Variants in LYPD4 observed in about 807,000 individuals in gnomAD.
The protein encoded by LYPD4 is ly6/PLAUR domain-containing protein 4.
Under a neutral mutation model 18.2 loss-of-function variants are expected in LYPD4, and 20 were observed. The observed-to-expected ratio is 1.10, with a 90% CI of 0.77 to 1.59. The LOEUF (loss-of-function observed/expected upper bound fraction) is 1.59, where lower values mean the gene tolerates loss of function less well. Among genes scored for constraint, LYPD4 ranks in the 40% most tolerant of loss-of-function variants. LYPD4 has a pLI of 0.00. For missense variants in LYPD4, 278 were observed against 300.3 expected (o/e 0.93, Z 0.55); for synonymous variants, 111 against 118.3 (o/e 0.94, Z 0.40).
chr19:41,838,362 A>G (rs2073448278), intron 3 of LYPD4, 101 bp from the exon 4 acceptor site: 1 of 1,049,272 alleles, frequency 9.5e-7, no homozygotes, highest in Non-Finnish European at 1.3e-6. Context: ...GCCTGTCACA[A>G]TCTGTGCCTC....
intron 1 of LYPD4, among the ~76,000 whole-genome samples, chr19:41,839,791 C>T (rs1555832828): frequency 6.6e-6 from 1 of 151,934 alleles, no homozygotes; most frequent in Non-Finnish European, 1.5e-5. Flanking sequence ...TGGCTCACGC[C>T]TGTAATCCCA....
intron 4 of LYPD4, 39 bp from the exon 5 acceptor site, chr19:41,837,384 G>T: frequency 6.2e-7 from 1 of 1,611,046 alleles, no homozygotes; most frequent in East Asian, 2.2e-5. Flanking sequence ...ACACTTTCAA[G>T]ACTCAAGAGC....
chr19:41,842,322 C>T (rs1460912894), intron 1 of LYPD4, among the ~76,000 whole-genome samples: 2 of 152,088 alleles, frequency 1.3e-5, no homozygotes, highest in East Asian at 3.9e-4. Context: ...AGCTCCCATG[C>T]CCAGAGAATG....
downstream of LYPD4, chr19:41,835,683 C>T (rs782472411): frequency 1.7e-4 from 116 of 675,246 alleles, 1 homozygote; most frequent in Non-Finnish European, 5.9e-5. Flanking sequence ...GGCTTCCCAA[C>T]CACCCCTTCC....
chr19:41,837,862 C>CT, intron 4 of LYPD4, 73 bp downstream of exon 4: 1 of 1,431,488 alleles, frequency 7.0e-7, no homozygotes, highest in Non-Finnish European at 9.4e-7. Flanking sequence ...ACCAGCCTCT[C>CT]TGAGATGTGA....
In LYPD4 at chr19:41,838,864, A is replaced by G; in HGVS notation, c.211+17T>C. The G allele has an allele frequency of 6.2e-7, 1 of 1,613,378 alleles. No individual in the cohort carries two copies. Among genetic ancestry groups the G allele is most frequent in the Non-Finnish European group, 8.5e-7 (1 of 1,179,844 alleles). ...AGAGCAAGCAAAACGAAATTGATCA[A>G]ACTTAGACTGCTTCACCTGTCTCAA... On this transcript the variant is annotated intron_variant, in intron 3 of 4. Coordinates refer to ENST00000609812, the MANE Select transcript of LYPD4 (RefSeq NM_173506.7).
chr19:41,841,410 A>G (rs181947847), intron 1 of LYPD4, among the ~76,000 whole-genome samples: 3 of 152,110 alleles, frequency 2.0e-5, no homozygotes, highest in Admixed American at 6.5e-5. Context: ...CCAGCTACTC[A>G]GGAGGCTAAT....
At chr19:41,837,397 T>C (rs2073402112) in intron 4 of LYPD4, 52 bp from the exon 5 acceptor site, 2 of 1,602,662 alleles carry the variant, frequency 1.2e-6, no homozygotes, top group Admixed American at 1.7e-5. Flanking sequence ...TCAAGAGCCC[T>C]GCCTTCAGCC....
chr19:41,838,979 C>G lies in LYPD4; in HGVS notation c.113G>C (p.Arg38Thr), dbSNP rs368266342. The part of the protein sequence containing the change: ...LCYEATASRF[R>T]AVAFHNWKWL... ...CTTCCAGTTATGGAAAGCAACAGCT[C>G]TGAATCTTGAGGCTGTTGCTTCATA... is the stretch of plus-strand genomic sequence containing the variant. Residue 38 changes from arginine (R) to threonine (T), a missense_variant, in exon 3 of 5, where the codon AGA becomes ACA. Transcript: ENST00000609812. 6.2e-7 allele frequency: 1 copy of G among 1,613,944 alleles called. No homozygotes were observed. The highest frequency in any genetic ancestry group is 2.2e-5 in the East Asian group (1 of 44,866).
At chr19:41,837,027 T>C, downstream of LYPD4, 1 of 1,515,468 alleles carries the variant, frequency 6.6e-7, no homozygotes, top group Non-Finnish European at 8.8e-7. Flanking sequence ...TTGGCCTTCC[T>C]CACACCTTCC....
chr19:41,836,227 C>T (rs1367699698), downstream of LYPD4, among the ~76,000 whole-genome samples: 3 of 131,468 alleles, frequency 2.3e-5, no homozygotes, highest in African/African-American at 8.7e-5. Flanking sequence ...ACCAAAACTC[C>T]GGGTGAAAAA....
At chr19:41,837,873 A>C in intron 4 of LYPD4, 62 bp downstream of exon 4, 1 of 1,469,332 alleles carries the variant, frequency 6.8e-7, no homozygotes, top group Middle Eastern at 1.8e-4. Context: ...TGAGATGTGA[A>C]GGTGCTGGAC....
intron 1 of LYPD4, among the ~76,000 whole-genome samples, chr19:41,841,665 C>CAAAA (rs587607752): frequency 1.2e-5 from 1 of 85,550 alleles, no homozygotes; most frequent in Non-Finnish European, 2.3e-5. Flanking sequence ...GACCCTGTCT[C>CAAAA]AAAAAAAAAA....
At chr19:41,842,764 CAAAAAAAAAAAAAAAAAAA>C (rs782233081) in intron 1 of LYPD4, among the ~76,000 whole-genome samples, 1 of 49,766 alleles carries the variant, frequency 2.0e-5, no homozygotes, top group East Asian at 6.6e-4. Flanking sequence ...TCCGTCTAAA[CAAAAAAAAAAAAAAAAAAA>C]AAAAAAAAAA....
intron 3 of LYPD4, 129 bp downstream of exon 3, chr19:41,838,752 T>G: frequency 9.5e-6 from 4 of 423,208 alleles, no homozygotes; most frequent in Non-Finnish European, 1.4e-5. Flanking sequence ...AAAAAAAATA[T>G]ATATACATAT....
At chr19:41,839,184 C>T (rs1555832491) in intron 2 of LYPD4, 35 bp downstream of exon 2, 1 of 1,614,146 alleles carries the variant, frequency 6.2e-7, no homozygotes, top group East Asian at 2.2e-5. Context: ...TCCCACCTTT[C>T]TGGGTCTTAT....
chr19:41,840,760 G>A (rs2073558101), intron 1 of LYPD4, among the ~76,000 whole-genome samples: 1 of 151,796 alleles, frequency 6.6e-6, no homozygotes, highest in Non-Finnish European at 1.5e-5. Flanking sequence ...AACCCGGGAG[G>A]CGGAGCTTGC....
rs976641835 is a variant in LYPD4, at chr19:41,838,383, C to T, written c.212-122G>A. 7 of 808,352 alleles carry T rather than the reference C, an allele frequency of 8.7e-6. No homozygotes were observed. The South Asian group carries it at 1.4e-4, about 16-fold the overall frequency. 50.1% of individuals were successfully genotyped at this position (808,352 alleles called of 1,614,324 possible). ...CACAATCTGTGCCTCCCTCCCCAAC[C>T]CCTGTGTCCACTCAGTGCAGCTGCA... is the stretch of plus-strand genomic sequence containing the variant. On this transcript the variant is annotated intron_variant, in intron 3 of 4. Coordinates refer to ENST00000609812, the MANE Select transcript of LYPD4 (RefSeq NM_173506.7).
At chr19:41,842,783 A>C (rs2073646784) in intron 1 of LYPD4, among the ~76,000 whole-genome samples, 1 of 148,442 alleles carries the variant, frequency 6.7e-6, no homozygotes, top group African/African-American at 2.5e-5. Flanking sequence ...AAAAAAAAAA[A>C]AAAAAAAAAA....
Sources: allele counts gnomAD v4.1 joint callset (sites outside exome capture counted in the v4.1 genomes callset), GRCh38; gene constraint gnomAD v4.1.1; transcripts MANE v1.5; gene names NCBI Gene and HGNC (gene_info 2026-07-23, HGNC 2026-07-21).